Variants in STAU2 observed in about 807,000 individuals in gnomAD.
STAU2 encodes staufen double-stranded RNA binding protein 2.
Under a neutral mutation model 65.9 loss-of-function variants are expected in STAU2, and 20 were observed. That is an observed-to-expected ratio of 0.30 (90% CI 0.21 to 0.44). The LOEUF (loss-of-function observed/expected upper bound fraction) is 0.44. Ranked by LOEUF, STAU2 falls within the 20% of genes least tolerant of loss-of-function variation. The probability of loss-of-function intolerance (pLI) is 1.00; values close to 1 mark genes in which losing one functional copy is unlikely to be tolerated. For missense variants in STAU2, 558 were observed against 683.9 expected, an observed-to-expected ratio of 0.82 and a Z score of 2.05; for synonymous variants, 232 against 233.9, an observed-to-expected ratio of 0.99 and a Z score of 0.07.
At chr8:73,649,837 T>C (rs2130210165) in intron 6 of STAU2, among the ~76,000 whole-genome samples, 1 of 143,010 alleles carries the variant, frequency 7.0e-6, no homozygotes, top group African/African-American at 2.6e-5. Flanking sequence ...TTTAATTTTT[T>C]ATAAGTTAGT....
intron 6 of STAU2, among the ~76,000 whole-genome samples, chr8:73,665,973 A>C (rs564162198): frequency 1.4e-4 from 21 of 152,340 alleles, no homozygotes; most frequent in African/African-American, 5.1e-4. Flanking sequence ...TTGTTTAGGA[A>C]ATAATGACAA....
At chr8:73,723,925 T>A (rs1821858377) in intron 3 of STAU2, among the ~76,000 whole-genome samples, 1 of 152,260 alleles carries the variant, frequency 6.6e-6, no homozygotes, top group South Asian at 2.1e-4. Flanking sequence ...CCTTGCTATA[T>A]GACTCCTATA....
chr8:73,474,030 T>C (rs1420751454), intron 13 of STAU2, among the ~76,000 whole-genome samples: 1 of 152,198 alleles, frequency 6.6e-6, no homozygotes, highest in Non-Finnish European at 1.5e-5. Flanking sequence ...TTTGCCCACC[T>C]CAGAGAGTTG....
intron 13 of STAU2, among the ~76,000 whole-genome samples, chr8:73,532,467 C>A (rs971802435): frequency 1.3e-5 from 2 of 151,962 alleles, no homozygotes; most frequent in African/African-American, 4.8e-5. Context: ...AGGGGAGGAT[C>A]CCTTGAGCCT....
At chr8:73,576,324 C>T (rs932192263) in intron 12 of STAU2, among the ~76,000 whole-genome samples, 1 of 151,794 alleles carries the variant, frequency 6.6e-6, no homozygotes, top group Non-Finnish European at 1.5e-5. Context: ...ACAAAATAAT[C>T]TTAAATTGCA....
intron 11 of STAU2, among the ~76,000 whole-genome samples, chr8:73,591,113 A>T (rs556220604): frequency 2.0e-5 from 3 of 152,346 alleles, no homozygotes; most frequent in African/African-American, 7.2e-5. Flanking sequence ...AATCAAAATG[A>T]GAGTAAATAT....
chr8:73,556,256 AAC>A (rs1807756461), intron 12 of STAU2, among the ~76,000 whole-genome samples: 1 of 152,174 alleles, frequency 6.6e-6, no homozygotes, highest in Admixed American at 6.5e-5. Flanking sequence ...TGCAATTATA[AAC>A]ACAGTGATGA....
intron 6 of STAU2, among the ~76,000 whole-genome samples, chr8:73,663,213 G>C (rs540552357): frequency 6.6e-6 from 1 of 152,234 alleles, no homozygotes; most frequent in Non-Finnish European, 1.5e-5. Context: ...ACATAAGCAA[G>C]TGACTGTGGC....
At chr8:73,672,673 T>C (rs1225948364) in intron 6 of STAU2, among the ~76,000 whole-genome samples, 1 of 152,206 alleles carries the variant, frequency 6.6e-6, no homozygotes, top group East Asian at 1.9e-4. Flanking sequence ...TGGGATTACA[T>C]TATTTACATT....
At chr8:73,703,848 G>C (rs925646124) in intron 4 of STAU2, among the ~76,000 whole-genome samples, 1 of 152,086 alleles carries the variant, frequency 6.6e-6, no homozygotes, top group Non-Finnish European at 1.5e-5. Flanking sequence ...AAATGTTGTA[G>C]GACACTGGAA....
Position 73,617,508 on chromosome 8 carries a change from T to C in STAU2, c.411-57A>G, listed in dbSNP as rs577055214. On this transcript the variant is annotated intron_variant, in intron 6 of 14. Transcript: ENST00000524300. ...GCTTAATAAAACCACTCTATAATCA[T>C]TCATAAGATTTGTTTAAAATGATAC... The C allele has an allele frequency of 4.1e-4, 623 of 1,502,342 alleles. 9 individuals carry two copies. In the South Asian group the frequency reaches 6.9e-3, roughly 17 times the overall value. 93.1% of individuals were successfully genotyped at this position (1,502,342 alleles called of 1,614,324 possible).
chr8:73,610,710 T>C (rs1812387292), intron 9 of STAU2, among the ~76,000 whole-genome samples: 1 of 152,200 alleles, frequency 6.6e-6, no homozygotes. Flanking sequence ...GTCCAGAACA[T>C]TTGATCTCTA....
intron 13 of STAU2, among the ~76,000 whole-genome samples, chr8:73,493,315 A>T (rs1386543399): frequency 6.6e-6 from 1 of 151,786 alleles, no homozygotes; most frequent in Non-Finnish European, 1.5e-5. Flanking sequence ...ATGAAAACAC[A>T]TTGATAAGAA....
At chr8:73,651,659 G>A (rs1815888018) in intron 6 of STAU2, 3 of 524,964 alleles carry the variant, frequency 5.7e-6, no homozygotes, top group African/African-American at 3.9e-5. Context: ...GCCTCTGAGT[G>A]GGCCTGCTGC....
chr8:73,688,853 T>A, intron 4 of STAU2, 40 bp from the exon 5 acceptor site: 1 of 1,589,916 alleles, frequency 6.3e-7, no homozygotes. Flanking sequence ...CATTAAGACT[T>A]TTCCAAGAAA....
At chr8:73,659,406 AC>A (rs1298725029) in intron 6 of STAU2, among the ~76,000 whole-genome samples, 1 of 152,106 alleles carries the variant, frequency 6.6e-6, no homozygotes, top group Non-Finnish European at 1.5e-5. Flanking sequence ...GCATGGTGGC[AC>A]ATGCCTGTTG....
intron 13 of STAU2, among the ~76,000 whole-genome samples, chr8:73,498,166 GA>G (rs1280512253): frequency 6.6e-6 from 1 of 151,734 alleles, no homozygotes; most frequent in East Asian, 1.9e-4. Flanking sequence ...TTTCTGGGGG[GA>G]AAAAGGTAAA....
At chr8:73,425,004 T>A (rs1427374162) in intron 13 of STAU2, among the ~76,000 whole-genome samples, 1 of 152,110 alleles carries the variant, frequency 6.6e-6, no homozygotes, top group Non-Finnish European at 1.5e-5. Flanking sequence ...TAGCTCCTGA[T>A]CCTGGCCCAT....
chr8:73,510,777 A>C (rs1822351321), intron 13 of STAU2, among the ~76,000 whole-genome samples: 1 of 152,206 alleles, frequency 6.6e-6, no homozygotes, highest in African/African-American at 2.4e-5. Context: ...AGGATGGGGG[A>C]AACTGCCCCC....
Sources: gnomAD v4.1 joint callset for allele counts (sites outside exome capture counted in the v4.1 genomes callset) on GRCh38, gnomAD v4.1.1 for gene constraint, MANE v1.5 for transcripts, NCBI Gene and HGNC (gene_info 2026-07-23, HGNC 2026-07-21) for gene names.